The following MEIG1 variants were observed in gnomAD, a reference collection of about 807,000 sequenced individuals.
MEIG1 encodes the protein meiosis expressed gene 1 protein homolog.
Under a neutral mutation model 11.3 loss-of-function variants are expected in MEIG1, and 12 were observed. That is an observed-to-expected ratio of 1.07 (90% confidence interval 0.68 to 1.73). The LOEUF is 1.73. Ranked by LOEUF, MEIG1 falls within the 40% of genes most tolerant of loss-of-function variation. The probability of loss-of-function intolerance (pLI) is 0.00; values close to 1 mark genes in which losing one functional copy is unlikely to be tolerated. For synonymous variants in MEIG1, 41 were observed against 33.2 expected (o/e 1.24, Z -0.81); for missense variants, 119 against 104.9 (o/e 1.13, Z -0.59).
Position 14,972,685 on chromosome 10 carries a change from A to G in MEIG1, c.*44A>G, listed in dbSNP as rs1843166791. ...CTTGTCAATTATATTTTAAGTATTC[A>G]TCATTTCCTTCTACATCATGTGTTT... On this transcript the variant is annotated 3_prime_UTR_variant, in exon 3 of 3. Coordinates refer to ENST00000407572, the MANE Select transcript of MEIG1 (RefSeq NM_001080836.3). The G allele has an allele frequency of 6.7e-7, 1 of 1,497,356 alleles. No individual in the cohort carries two copies. The highest frequency in any genetic ancestry group is 1.4e-5 in the African/African-American group (1 of 70,838). The allele number at this position is 1,497,356 out of a possible 1,614,324, so 92.8% of individuals were successfully genotyped here.
chr10:14,966,575 C>T lies in MEIG1; in HGVS notation c.107C>T (p.Thr36Ile). The change falls in exon 2 of 3, where the codon ACC becomes ATC. Residue 36 changes from threonine to isoleucine, a missense_variant. Coordinates refer to ENST00000407572, the MANE Select transcript of MEIG1 (RefSeq NM_001080836.3). ...RFQQAGYRDE[T>I]EYRQVKQVSM... ...CAACAAGCAGGATATCGGGATGAAA[C>T]CGAATATAGACAAGTGAAACAAGTT... 6.2e-7 allele frequency: 1 copy of T among 1,611,182 alleles called. No homozygotes were observed. The highest frequency in any genetic ancestry group is 8.5e-7 in the Non-Finnish European group (1 of 1,179,058).
chr10:14,970,804 G>A lies in MEIG1; in HGVS notation c.139-1709G>A, dbSNP rs939970517. Among the ~76,000 whole-genome samples, 9 of 152,300 alleles carry A rather than the reference G, an allele frequency of 5.9e-5. No individual in the cohort carries two copies. The South Asian group carries it at 8.3e-4, about 14-fold the overall frequency. ...TTCATGGGGAACAGAAAAGGTGCAG[G>A]ACTACCTGTATAGAAGGTGTTGAAG... On this transcript the variant is annotated intron_variant, in intron 2 of 2. Transcript: ENST00000407572.
intron 1 of MEIG1, among the ~76,000 whole-genome samples, chr10:14,981,274 C>T (rs9943386): frequency 0.13 from 19,930 of 149,296 alleles, 2,391 homozygotes; most frequent in African/African-American, 0.32. Context: ...TTCCTCCTCT[C>T]GGGGGACTGT....
chr10:14,960,234 T>C (rs1188030666), intron 1 of MEIG1, among the ~76,000 whole-genome samples: 1 of 152,146 alleles, frequency 6.6e-6, no homozygotes, highest in Non-Finnish European at 1.5e-5. Context: ...AGAAATAATC[T>C]AATAGGAGGA....
intron 1 of MEIG1, among the ~76,000 whole-genome samples, chr10:14,980,067 A>T (rs1204136644): frequency 6.6e-6 from 1 of 151,814 alleles, no homozygotes; most frequent in Non-Finnish European, 1.5e-5. Flanking sequence ...TATTATTCAC[A>T]ATCTACTAGC....
At chr10:14,984,187 C>A (rs541582761) in intron 1 of MEIG1, among the ~76,000 whole-genome samples, 21 of 150,932 alleles carry the variant, frequency 1.4e-4, no homozygotes, top group East Asian at 9.8e-4. Context: ...GAGGGGGGTG[C>A]TATTACTCCC....
chr10:14,977,120 A>G (rs1843217703), downstream of MEIG1, among the ~76,000 whole-genome samples: 1 of 152,030 alleles, frequency 6.6e-6, no homozygotes, highest in African/African-American at 2.4e-5. Flanking sequence ...TTGTAGAAAG[A>G]TGTTACTCCT....
chr10:14,984,418 T>C (rs1843297987), intron 1 of MEIG1, among the ~76,000 whole-genome samples: 1 of 152,056 alleles, frequency 6.6e-6, no homozygotes, highest in Admixed American at 6.6e-5. Context: ...TAGGGGAATG[T>C]TAATCATGTT....
chr10:14,970,641 G>C (rs1301013841), intron 2 of MEIG1: 1 of 152,250 alleles, frequency 6.6e-6, no homozygotes, highest in Non-Finnish European at 1.5e-5. Context: ...AGGCTTCTCA[G>C]ATATGCTGTT....
upstream of MEIG1, among the ~76,000 whole-genome samples, chr10:14,956,304 T>C (rs974537064): frequency 6.6e-6 from 1 of 151,990 alleles, no homozygotes; most frequent in African/African-American, 2.4e-5. Flanking sequence ...TCAGGGCCAG[T>C]GTGGTGGCTC....
At chr10:14,974,428 A>G (rs1418491465), downstream of MEIG1, among the ~76,000 whole-genome samples, 4 of 151,992 alleles carry the variant, frequency 2.6e-5, no homozygotes, top group East Asian at 7.7e-4. Context: ...CCCAGTTGAG[A>G]AGGTCGGCAG....
downstream of MEIG1, among the ~76,000 whole-genome samples, chr10:14,976,299 C>G (rs7908504): frequency 0.62 from 93,877 of 151,604 alleles, 29,518 homozygotes; most frequent in Admixed American, 0.73. Flanking sequence ...TATTATTCAT[C>G]GGGGAATATT....
chr10:14,971,580 G>C (rs1420405143), intron 2 of MEIG1, among the ~76,000 whole-genome samples: 2 of 152,080 alleles, frequency 1.3e-5, no homozygotes, highest in Non-Finnish European at 2.9e-5. Context: ...CTTGAAATTG[G>C]GGCAGAAGGA....
chr10:14,980,350 CAG>C (rs1161267440), intron 1 of MEIG1, among the ~76,000 whole-genome samples: 3 of 152,104 alleles, frequency 2.0e-5, no homozygotes, highest in Admixed American at 2.0e-4. Context: ...TCTAATATCA[CAG>C]AGAGTGTACA....
At chr10:14,974,839 A>G (rs1471730554), downstream of MEIG1, among the ~76,000 whole-genome samples, 1 of 152,028 alleles carries the variant, frequency 6.6e-6, no homozygotes. Context: ...AATAATCTGA[A>G]CACTTTATGA....
chr10:14,979,847 G>A (rs1394907055), intron 1 of MEIG1, among the ~76,000 whole-genome samples: 14 of 151,768 alleles, frequency 9.2e-5, no homozygotes, highest in South Asian at 2.1e-4. Context: ...TTTTAATATC[G>A]CAGTGGGTGT....
chr10:14,971,440 G>A (rs7084951), intron 2 of MEIG1, among the ~76,000 whole-genome samples: 97,027 of 151,518 alleles, frequency 0.64, 31,392 homozygotes, highest in Admixed American at 0.68. Flanking sequence ...CTACTCGGGA[G>A]GCAGAGGCTG....
upstream of MEIG1, among the ~76,000 whole-genome samples, chr10:14,957,336 G>A (rs574582515): frequency 2.7e-4 from 41 of 152,258 alleles, no homozygotes; most frequent in African/African-American, 8.9e-4. Flanking sequence ...TAGACACTGT[G>A]CTCTCTGACA....
chr10:14,977,894 G>A (rs141473581), intron 1 of MEIG1, among the ~76,000 whole-genome samples: 270 of 151,934 alleles, frequency 1.8e-3, no homozygotes, highest in African/African-American at 5.8e-3. Context: ...GATATCATTC[G>A]TAATATCCTA....
Sources: gnomAD v4.1 joint callset for allele counts (sites outside exome capture counted in the v4.1 genomes callset) on GRCh38, gnomAD v4.1.1 for gene constraint, MANE v1.5 for transcripts, NCBI Gene and HGNC (gene_info 2026-07-23, HGNC 2026-07-21) for gene names.